MEX3D: variants seen among roughly 807,000 people sequenced by gnomAD.
MEX3D encodes the protein mex-3 RNA binding family member D, also known as RNA-binding protein MEX3D.
Under a neutral mutation model 6.3 loss-of-function variants are expected in MEX3D, and 4 were observed. That is an observed-to-expected ratio of 0.64 (90% confidence interval 0.31 to 1.46). The LOEUF is 1.46. MEX3D is among the 40% of genes most tolerant of loss of function. The pLI is 0.07. For synonymous variants in MEX3D, 626 were observed against 494.1 expected, an observed-to-expected ratio of 1.27 and a Z score of -3.54; for missense variants, 1,038 against 994.4, an observed-to-expected ratio of 1.04 and a Z score of -0.59.
intron 1 of MEX3D, among the ~76,000 whole-genome samples, chr19:1,559,678 T>G (rs533371089): frequency 1.3e-5 from 2 of 152,322 alleles, no homozygotes; most frequent in East Asian, 1.9e-4. Context: ...AAAACAGTGT[T>G]GCTAACTCTC....
chr19:1,559,334 T>C (rs1258983044), intron 1 of MEX3D, among the ~76,000 whole-genome samples: 1 of 152,206 alleles, frequency 6.6e-6, no homozygotes. Flanking sequence ...GATTGCACCA[T>C]GTTGGCCAGG....
intron 1 of MEX3D, among the ~76,000 whole-genome samples, chr19:1,558,869 G>A (rs1173602244): frequency 6.6e-6 from 1 of 152,210 alleles, no homozygotes; most frequent in Non-Finnish European, 1.5e-5. Context: ...AGGGACATGA[G>A]TGTCAGTGTG....
chr19:1,555,425 G>A lies in MEX3D; in HGVS notation c.*138C>T. On this transcript the variant is annotated 3_prime_UTR_variant, in exon 2 of 2. Coordinates refer to ENST00000402693, the MANE Select transcript of MEX3D (RefSeq NM_203304.4). ...AGTTAAAGCTCATCTGTAAACACTG[G>A]CCGCCGCCCACCCCCCTGCCCCCTC... The A allele has an allele frequency of 6.4e-7, 1 of 1,564,816 alleles. No individual in the cohort carries two copies. Among genetic ancestry groups the A allele is most frequent in the Non-Finnish European group, 8.6e-7 (1 of 1,159,406 alleles).
chr19:1,561,858 G>C (rs1164514541), intron 1 of MEX3D, among the ~76,000 whole-genome samples: 1 of 152,002 alleles, frequency 6.6e-6, no homozygotes, highest in Non-Finnish European at 1.5e-5. Context: ...TGTTGCCCAG[G>C]CTGGTCTGGA....
intron 1 of MEX3D, among the ~76,000 whole-genome samples, chr19:1,562,355 T>TAAACTAA (rs1914741220): frequency 6.8e-6 from 1 of 146,484 alleles, no homozygotes; most frequent in African/African-American, 2.6e-5. Context: ...TGAAACCCCA[T>TAAACTAA]CTCCACTAAA....
chr19:1,557,903 A>G (rs1234455633), intron 1 of MEX3D, among the ~76,000 whole-genome samples: 1 of 141,194 alleles, frequency 7.1e-6, no homozygotes, highest in African/African-American at 2.6e-5. Flanking sequence ...AAAAGCCGCA[A>G]TTAGCAAGGT....
intron 1 of MEX3D, among the ~76,000 whole-genome samples, chr19:1,566,404 T>C (rs1914840892): frequency 6.6e-6 from 1 of 152,168 alleles, no homozygotes; most frequent in Non-Finnish European, 1.5e-5. Context: ...GGGCCATAGA[T>C]GACCTTGCAA....
At chr19:1,566,020 G>A (rs917904791) in intron 1 of MEX3D, among the ~76,000 whole-genome samples, 1 of 152,210 alleles carries the variant, frequency 6.6e-6, no homozygotes, top group Non-Finnish European at 1.5e-5. Flanking sequence ...CCCAGGCCTC[G>A]GCTTGGACGC....
At position 1,556,781 on chromosome 19, in the gene MEX3D, G is replaced by A. The variant is rs779229226; in HGVS notation, c.738C>T (p.His246=). ...AKREILSAAE[H]FSIIRATRSK... ...TGCGCGTGGCGCGGATGATGGAGAA[G>A]TGTTCGGCCGCCGACAGGATCTCAC... The change falls in exon 2 of 2, where the codon CAC becomes CAT. Residue 246 remains histidine, a synonymous_variant. Coordinates refer to ENST00000402693, the MANE Select transcript of MEX3D (RefSeq NM_203304.4). The surrounding 1 kb of genome is among the most constrained non-coding windows in gnomAD (Gnocchi z 7.5). 2 of 1,612,464 alleles carry A rather than the reference G, an allele frequency of 1.2e-6. No homozygotes were observed. The highest frequency in any genetic ancestry group is 1.1e-5 in the South Asian group (1 of 91,096).
At position 1,556,988 on chromosome 19, in the gene MEX3D, G is replaced by A. The variant is rs1173915677; in HGVS notation, c.596-65C>T. On this transcript the variant is annotated intron_variant, in intron 1 of 1. Transcript: ENST00000402693. This position sits in a 1 kb window ranked among gnomAD's most constrained non-coding sequence, Gnocchi z 7.5. Reference sequence around the variant, plus strand: ...CCCCTGCGCAGCTCAGCCCCGCTGGGCATGCAGGCTGCAGGGCCAGTGAGG... The same window carrying A: ...CCCCTGCGCAGCTCAGCCCCGCTGGACATGCAGGCTGCAGGGCCAGTGAGG... 2.6e-6 allele frequency: 4 copies of A among 1,511,486 alleles called. No individual in the cohort carries two copies. The East Asian group carries it at 9.1e-5, about 34-fold the overall frequency. 93.6% of individuals were successfully genotyped at this position (1,511,486 alleles called of 1,614,324 possible).
intron 1 of MEX3D, among the ~76,000 whole-genome samples, chr19:1,559,732 G>C (rs1342929427): frequency 6.6e-6 from 1 of 152,156 alleles, no homozygotes; most frequent in South Asian, 2.1e-4. Context: ...CACTTTTGAC[G>C]GGGAAGAAGT....
intron 1 of MEX3D, among the ~76,000 whole-genome samples, chr19:1,562,733 C>A (rs929613410): frequency 1.3e-5 from 2 of 151,950 alleles, no homozygotes; most frequent in Admixed American, 1.3e-4. Context: ...AACAAGAAAC[C>A]GCTAGGCGTG....
rs1325183764 is a variant in MEX3D, at chr19:1,555,784, C to G, written c.1735G>C (p.Gly579Arg). 1.4e-6 allele frequency: 2 copies of G among 1,449,296 alleles called. No individual in the cohort carries two copies. The highest frequency in any genetic ancestry group is 3.0e-5 in the African/African-American group (2 of 66,892). The allele number at this position is 1,449,296 out of a possible 1,614,324, so 89.8% of individuals were successfully genotyped here. The change falls in exon 2 of 2, where the codon GGC (glycine) becomes CGC (arginine). Residue 579 changes from glycine to arginine, a missense_variant. This residue lies in a region of MEX3D where 581 missense variants were observed against 516.2 expected (regional missense o/e 1.13). Coordinates refer to ENST00000402693, the MANE Select transcript of MEX3D (RefSeq NM_203304.4). The stretch of plus-strand genomic sequence containing the variant: ...GGCTTGCGGCTGTTCTCGGAGGCGC[C>G]GGAGTCCAGGGGGGCGCAGGCGGCG... ...AAAACAPLDS[G>R]ASENSRKPPS...
chr19:1,559,585 ACTG>A (rs1015713967), intron 1 of MEX3D, among the ~76,000 whole-genome samples: 9 of 152,202 alleles, frequency 5.9e-5, no homozygotes, highest in Admixed American at 2.0e-4. Context: ...GTTTTGAGCC[ACTG>A]CTCACAACCC....
rs1382161388 is a variant in MEX3D at position 1,556,213 on chromosome 19, C to T, written c.1306G>A (p.Ala436Thr). 5.6e-6 allele frequency: 8 copies of T among 1,427,266 alleles called. No homozygotes were observed. Among genetic ancestry groups the T allele is most frequent in the Non-Finnish European group, 7.3e-6 (8 of 1,091,312 alleles). 88.4% of individuals were successfully genotyped at this position (1,427,266 alleles called of 1,614,324 possible). ...CCCACCGGGGCACCGGGACCCTCCG[C>T]GCCGAAGGCGAAGCCCCCGTTGCCG... The part of the protein sequence containing the change: ...GSGNGGFAFG[A>T]EGPGAPVGTA... The change falls in exon 2 of 2, where the codon GCG becomes ACG. Residue 436 changes from alanine to threonine, a missense_variant. By Grantham distance (58) the Ala-to-Thr change is moderately conservative. Coordinates refer to ENST00000402693, the MANE Select transcript of MEX3D (RefSeq NM_203304.4). This position sits in a 1 kb window ranked among gnomAD's most constrained non-coding sequence, Gnocchi z 7.5.
At position 1,568,080 on chromosome 19, in the gene MEX3D, C is replaced by A; in HGVS notation, c.-22G>T. The A allele has an allele frequency of 1.0e-6, 1 of 978,618 alleles. No homozygotes were observed. The allele number at this position is 978,618 out of a possible 1,614,324, so 60.6% of individuals were successfully genotyped here. A position where few individuals can be genotyped will look rare whatever the true frequency, so the allele number is the denominator to read the frequency against. The stretch of plus-strand genomic sequence containing the variant: ...GCATGGCGGGAGCTAGCGCTGGGGC[C>A]CGCGCTCCTGCCGCCCGCGCCGCCG... On this transcript the variant is annotated 5_prime_UTR_variant, in exon 1 of 2. Transcript: ENST00000402693.
At chr19:1,563,859 G>A (rs1272020441) in intron 1 of MEX3D, among the ~76,000 whole-genome samples, 1 of 152,148 alleles carries the variant, frequency 6.6e-6, no homozygotes, top group East Asian at 1.9e-4. Context: ...CTAGACTGGA[G>A]AGCGGTGACA....
At chr19:1,564,255 A>G (rs1164205723) in intron 1 of MEX3D, among the ~76,000 whole-genome samples, 1 of 152,018 alleles carries the variant, frequency 6.6e-6, no homozygotes, top group Non-Finnish European at 1.5e-5. Flanking sequence ...GCCAATGGCC[A>G]GGCGCAGTGG....
In MEX3D at chr19:1,567,819, C is replaced by G; in HGVS notation, c.240G>C (p.Glu80Asp). The G allele has an allele frequency of 1.0e-6, 1 of 995,154 alleles. No homozygotes were observed. The highest frequency in any genetic ancestry group is 1.2e-6 in the Non-Finnish European group (1 of 836,140). The allele number at this position is 995,154 out of a possible 1,614,324, so 61.6% of individuals were successfully genotyped here. Reference protein sequence around the residue: ...GLGGAGDTDEEGAAGDGAAAA... With the variant: ...GLGGAGDTDEDGAAGDGAAAA... Reference sequence around the variant, plus strand: ...CCGCTGCGCCGTCCCCGGCCGCCCCCTCCTCGTCCGTGTCGCCAGCGCCCC... The same window carrying G: ...CCGCTGCGCCGTCCCCGGCCGCCCCGTCCTCGTCCGTGTCGCCAGCGCCCC... Residue 80 changes from glutamate to aspartate, a missense_variant, in exon 1 of 2, where the codon GAG (glutamate) becomes GAC (aspartate). Physicochemically the swap from Glu to Asp is conservative, Grantham distance 45. This residue lies in a region of MEX3D where 265 missense variants were observed against 206.3 expected (regional missense o/e 1.28). Coordinates refer to ENST00000402693, the MANE Select transcript of MEX3D (RefSeq NM_203304.4). This position sits in a 1 kb window ranked among gnomAD's most constrained non-coding sequence, Gnocchi z 6.5.
Sources: gnomAD v4.1 joint callset for allele counts (sites outside exome capture counted in the v4.1 genomes callset) on GRCh38, gnomAD v4.1.1 for gene constraint, gnomAD v4.1.1 regional missense constraint, Gnocchi (gnomAD v3.1) non-coding constraint, MANE v1.5 for transcripts, NCBI Gene and HGNC (gene_info 2026-07-23, HGNC 2026-07-21) for gene names.